The following CPNE4 variants were observed in gnomAD, a reference collection of about 807,000 sequenced individuals.
The protein encoded by CPNE4 is copine-4.
A neutral mutation model predicts 67.9 loss-of-function variants in CPNE4; 25 were observed. The observed-to-expected ratio is 0.37, with a 90% CI of 0.27 to 0.51. The LOEUF (loss-of-function observed/expected upper bound fraction) is 0.51, where lower values mean the gene tolerates loss of function less well. CPNE4 is among the 20% of genes least tolerant of loss of function. CPNE4 has a pLI of 0.93. For synonymous variants in CPNE4, 242 were observed against 244.9 expected, an observed-to-expected ratio of 0.99 and a Z score of 0.11; for missense variants, 464 against 690.8, an observed-to-expected ratio of 0.67 and a Z score of 3.68.
intron 1 of CPNE4, among the ~76,000 whole-genome samples, chr3:131,966,245 C>T (rs1272382904): frequency 6.6e-6 from 1 of 152,144 alleles, no homozygotes; most frequent in African/African-American, 2.4e-5. Context: ...AAATTTATAG[C>T]ACTAAATGCC....
chr3:131,606,043 T>C (rs2107732849), intron 7 of CPNE4, among the ~76,000 whole-genome samples: 1 of 152,276 alleles, frequency 6.6e-6, no homozygotes, highest in African/African-American at 2.4e-5. Context: ...CATGGTGGTT[T>C]ATTGATTGCT....
chr3:131,862,183 C>A (rs1029836933), intron 2 of CPNE4, among the ~76,000 whole-genome samples: 1 of 152,196 alleles, frequency 6.6e-6, no homozygotes, highest in Non-Finnish European at 1.5e-5. Context: ...TTTTAGGAAT[C>A]TAGTTCAAGT....
chr3:131,761,825 A>G (rs1560259929), intron 2 of CPNE4, among the ~76,000 whole-genome samples: 1 of 152,180 alleles, frequency 6.6e-6, no homozygotes, highest in Non-Finnish European at 1.5e-5. Context: ...AGCAGGTAGG[A>G]TATCAGGGCA....
intron 2 of CPNE4, among the ~76,000 whole-genome samples, chr3:131,792,535 A>C (rs2083754525): frequency 6.7e-6 from 1 of 149,762 alleles, no homozygotes; most frequent in South Asian, 2.1e-4. Flanking sequence ...TCCCAATGTG[A>C]ATATCCCAAT....
At chr3:131,953,421 A>G (rs949197394) in intron 1 of CPNE4, among the ~76,000 whole-genome samples, 3 of 152,166 alleles carry the variant, frequency 2.0e-5, no homozygotes, top group South Asian at 2.1e-4. Flanking sequence ...CAGAGTTTTT[A>G]TCATAAAAGG....
rs77560850 is a variant in CPNE4 at position 131,540,915 on chromosome 3, A to G, written c.1539+1642T>C. On this transcript the variant is annotated intron_variant, in intron 15 of 15. Coordinates refer to ENST00000429747, the MANE Select transcript of CPNE4 (RefSeq NM_130808.3). ...CAGGTGACAGAGGGGACTCGGTAGC[A>G]TGGAAAGGAGAGGATTCTCTTCTTT... 6.4e-3 allele frequency among the ~76,000 whole-genome samples: 973 copies of G among 152,256 alleles called. 9 individuals carry two copies. The highest frequency in any genetic ancestry group is 0.022 in the African/African-American group (896 of 41,522).
intron 5 of CPNE4, among the ~76,000 whole-genome samples, chr3:131,690,387 A>G (rs1050367170): frequency 7.2e-5 from 11 of 152,320 alleles, no homozygotes; most frequent in African/African-American, 2.4e-4. Flanking sequence ...ATAAAGCCAC[A>G]TACCTACAGC....
At chr3:131,657,799 C>A (rs929015884) in intron 7 of CPNE4, among the ~76,000 whole-genome samples, 1 of 151,568 alleles carries the variant, frequency 6.6e-6, no homozygotes, top group Non-Finnish European at 1.5e-5. Context: ...CTCCTGACCT[C>A]GTGATCTGCC....
At chr3:131,747,456 A>C (rs543479410) in intron 2 of CPNE4, among the ~76,000 whole-genome samples, 21 of 96,870 alleles carry the variant, frequency 2.2e-4, no homozygotes, top group African/African-American at 4.9e-4. Context: ...TTTGTATATG[A>C]TAAGAACTTT....
At chr3:131,776,237 T>G (rs2083287589) in intron 2 of CPNE4, among the ~76,000 whole-genome samples, 1 of 99,394 alleles carries the variant, frequency 1.0e-5, no homozygotes, top group African/African-American at 2.7e-5. Flanking sequence ...TCAATATATT[T>G]GTTATGGACC....
In CPNE4 at chr3:131,690,696, T is replaced by A. The variant is rs909157277; in HGVS notation, c.508-4738A>T. ...AATTGTAACAAAGAATATTGACAAG[T>A]GAGACCTAATTAAACTAAAGAGCTT... On this transcript the variant is annotated intron_variant, in intron 5 of 15. Transcript: ENST00000429747. Among the ~76,000 whole-genome samples, 4 of 150,602 alleles carry A rather than the reference T, an allele frequency of 2.7e-5. No homozygotes were observed. In the Admixed American group the frequency reaches 2.7e-4, roughly 10 times the overall value.
chr3:132,037,704 C>G (rs535157033), upstream of CPNE4: 3 of 1,053,584 alleles, frequency 2.8e-6, no homozygotes, highest in Admixed American at 4.0e-5. Flanking sequence ...ATTCACTCGC[C>G]GGGTTTCTGT....
In CPNE4 at chr3:131,673,033, G is replaced by T. The variant is rs562649305; in HGVS notation, c.592-3269C>A. Among the ~76,000 whole-genome samples the T allele has an allele frequency of 3.3e-5, 5 of 152,098 alleles. No individual in the cohort carries two copies. The East Asian group carries it at 5.8e-4, about 18-fold the overall frequency. On this transcript the variant is annotated intron_variant, in intron 6 of 15. Coordinates refer to ENST00000429747, the MANE Select transcript of CPNE4 (RefSeq NM_130808.3). ...TTTTTGTATATGGTAAGAGATGGGG[G>T]TCTAGTTTCATTCTTCCACATATTG...
intron 1 of CPNE4, among the ~76,000 whole-genome samples, chr3:131,958,609 C>CTTTT (rs748126986): frequency 0.018 from 1,747 of 94,914 alleles, 136 homozygotes; most frequent in African/African-American, 0.023. Context: ...TCTTTCTTTT[C>CTTTT]TTTTTTTTTT....
At chr3:131,927,821 G>A (rs1226250141) in intron 1 of CPNE4, among the ~76,000 whole-genome samples, 1 of 152,156 alleles carries the variant, frequency 6.6e-6, no homozygotes, top group Non-Finnish European at 1.5e-5. Context: ...GCAGGACATA[G>A]AAGTAGCTGG....
In CPNE4 at chr3:131,655,647, C is replaced by A. The variant is rs73871341; in HGVS notation, c.681+14028G>T. On this transcript the variant is annotated intron_variant, in intron 7 of 15. Transcript: ENST00000429747. ...TAATTGCCACAGGAAATGAAACCGA[C>A]GTCGGGGGGCAGGGGGGTGGAGACA... Among the ~76,000 whole-genome samples the A allele has an allele frequency of 1.5e-3, 226 of 152,010 alleles. 3 individuals are homozygous for A. The highest frequency in any genetic ancestry group is 0.013 in the Admixed American group (202 of 15,276).
intron 7 of CPNE4, among the ~76,000 whole-genome samples, chr3:131,601,747 G>C (rs961882222): frequency 1.3e-5 from 2 of 152,058 alleles, no homozygotes; most frequent in African/African-American, 4.8e-5. Context: ...GTCCAGTTAA[G>C]GCTCTCTTCT....
At chr3:131,558,151 G>A (rs1936567273) in intron 11 of CPNE4, among the ~76,000 whole-genome samples, 1 of 151,844 alleles carries the variant, frequency 6.6e-6, no homozygotes, top group Admixed American at 6.6e-5. Context: ...ACCTACAAGG[G>A]GAATAATTAA....
intron 10 of CPNE4, among the ~76,000 whole-genome samples, chr3:131,574,001 A>G (rs767133547): frequency 4.6e-5 from 7 of 152,120 alleles, no homozygotes; most frequent in Non-Finnish European, 8.8e-5. Context: ...AAGCTAGTTT[A>G]GTAAATGACC....
Sources: allele counts gnomAD v4.1 joint callset (sites outside exome capture counted in the v4.1 genomes callset), GRCh38; gene constraint gnomAD v4.1.1; transcripts MANE v1.5; gene names NCBI Gene and HGNC (gene_info 2026-07-23, HGNC 2026-07-21).